Variants in ITGAM observed in about 807,000 individuals in gnomAD.
The protein encoded by ITGAM is integrin alpha-M.
In ITGAM, 79 loss-of-function variants were observed where a neutral mutation model predicts 137.5. The observed-to-expected ratio is 0.57, with a 90% confidence interval of 0.48 to 0.69. The LOEUF is 0.69. Among genes scored for constraint, ITGAM ranks in the 30% least tolerant of loss-of-function variants. ITGAM has a pLI of 0.00. For synonymous variants in ITGAM, 583 were observed against 592.3 expected (o/e 0.98, Z 0.23); for missense variants, 1,343 against 1,483.5 (o/e 0.91, Z 1.56).
intron 12 of ITGAM, among the ~76,000 whole-genome samples, chr16:31,291,043 A>G (rs2080081955): frequency 6.6e-6 from 1 of 152,196 alleles, no homozygotes; most frequent in Non-Finnish European, 1.5e-5. Context: ...GCTGAAAACT[A>G]CAAAACACTA....
At chr16:31,313,353 G>C (rs952114546) in intron 14 of ITGAM, among the ~76,000 whole-genome samples, 2 of 152,118 alleles carry the variant, frequency 1.3e-5, no homozygotes, top group African/African-American at 4.8e-5. Context: ...CATGCATTAG[G>C]TATTTGTCCT....
intron 14 of ITGAM, among the ~76,000 whole-genome samples, chr16:31,300,019 T>A (rs2080182076): frequency 6.6e-6 from 1 of 152,064 alleles, no homozygotes; most frequent in Non-Finnish European, 1.5e-5. Context: ...CCACCATGCC[T>A]GTCTAATTTA....
At position 31,326,862 on chromosome 16, in the gene ITGAM, T is replaced by C. The variant is rs774219893; in HGVS notation, c.2635T>C (p.Phe879Leu). 7.5e-6 allele frequency: 12 copies of C among 1,610,480 alleles called. No homozygotes were observed. The South Asian group carries it at 1.1e-4, about 15-fold the overall frequency. The change falls in exon 22 of 30, where the codon TTT (phenylalanine) becomes CTT (leucine). Residue 879 changes from phenylalanine to leucine, a missense_variant. Coordinates refer to ENST00000544665, the MANE Select transcript of ITGAM (RefSeq NM_000632.4). ...CTCCTTTCTCTCACTCCAGGTCACC[T>C]TTAATATCACGTTTGATGTAGACTC... ...PIFPENSEVT[F>L]NITFDVDSKA...
At chr16:31,304,604 A>G (rs190208052) in intron 14 of ITGAM, among the ~76,000 whole-genome samples, 56 of 152,296 alleles carry the variant, frequency 3.7e-4, no homozygotes, top group Non-Finnish European at 6.5e-4. Flanking sequence ...CTTAGATTTC[A>G]GTCTTTGATC....
In ITGAM at chr16:31,278,074, A is replaced by T. The variant is rs1440687722; in HGVS notation, c.1321A>T (p.Met441Leu). The T allele has an allele frequency of 1.2e-6, 2 of 1,608,852 alleles. No individual in the cohort carries two copies. Among genetic ancestry groups the T allele is most frequent in the Non-Finnish European group, 1.7e-6 (2 of 1,177,826 alleles). Reference protein sequence around the residue: ...LVAMFRQNTGMWESNANVKGT... With the variant: ...LVAMFRQNTGLWESNANVKGT... ...AGCGATGTTCAGGCAGAACACTGGC[A>T]TGTGGGAGTCCAACGCTAATGTCAA... Residue 441 changes from methionine (M) to leucine (L), a missense_variant, in exon 12 of 30, where the codon ATG becomes TTG. Physicochemically the swap from Met to Leu is conservative, Grantham distance 15 (BLOSUM62 2). Coordinates refer to ENST00000544665, the MANE Select transcript of ITGAM (RefSeq NM_000632.4).
chr16:31,308,342 A>G (rs2080286976), intron 14 of ITGAM, among the ~76,000 whole-genome samples: 1 of 152,162 alleles, frequency 6.6e-6, no homozygotes, highest in Non-Finnish European at 1.5e-5. Flanking sequence ...TTATTGGTCT[A>G]TTCAGAGATT....
At chr16:31,298,484 C>T (rs62051471) in intron 14 of ITGAM, among the ~76,000 whole-genome samples, 19,716 of 152,252 alleles carry the variant, frequency 0.13, 1,749 homozygotes, top group Admixed American at 0.23. Flanking sequence ...ATGATAGCCT[C>T]ATCACCCCCA....
Position 31,324,695 on chromosome 16 carries a change from C to T in ITGAM, c.2202C>T (p.Asn734=). ...TGAGCCCCATTGTGCTGCGCCTGAA[C>T]TTCTCTCTGGTGGGAACGCCATTGT... ...DPVSPIVLRL[N]FSLVGTPLSA... The change falls in exon 18 of 30, where the codon AAC becomes AAT. Residue 734 remains asparagine, a synonymous_variant. Transcript: ENST00000544665. This position sits in a 1 kb window ranked among gnomAD's most constrained non-coding sequence, Gnocchi z 4.5. 1 of 1,602,546 alleles carries T rather than the reference C, an allele frequency of 6.2e-7. No homozygotes were observed. The highest frequency in any genetic ancestry group is 8.5e-7 in the Non-Finnish European group (1 of 1,175,170).
chr16:31,278,515 C>G (rs1464684329), intron 12 of ITGAM, among the ~76,000 whole-genome samples: 1 of 152,172 alleles, frequency 6.6e-6, no homozygotes, highest in Non-Finnish European at 1.5e-5. Flanking sequence ...TGAGGTCAGG[C>G]AGGACACTTC....
intron 23 of ITGAM, among the ~76,000 whole-genome samples, 197 bp downstream of exon 23, chr16:31,328,427 C>A (rs565727288): frequency 6.8e-6 from 1 of 146,608 alleles, no homozygotes; most frequent in Non-Finnish European, 1.5e-5. Flanking sequence ...TGTGCATGGA[C>A]GTGTATTTGT....
chr16:31,278,196 A>G, intron 12 of ITGAM, 87 bp downstream of exon 12: 5 of 1,400,846 alleles, frequency 3.6e-6, no homozygotes, highest in South Asian at 1.4e-5. Flanking sequence ...GATGACATGC[A>G]TGGCCCTCTT....
chr16:31,272,510 G>A (rs2079863100), intron 7 of ITGAM, among the ~76,000 whole-genome samples: 1 of 84,214 alleles, frequency 1.2e-5, no homozygotes, highest in Non-Finnish European at 2.1e-5. Context: ...TTGAGACAGA[G>A]TCTCACTCTG....
chr16:31,329,761 G>T, intron 24 of ITGAM, 37 bp from the exon 25 acceptor site: 12 of 1,523,376 alleles, frequency 7.9e-6, no homozygotes, highest in Non-Finnish European at 1.1e-5. Flanking sequence ...GGTGGGGGAG[G>T]AAGGCCAGAG....
At position 31,275,781 on chromosome 16, in the gene ITGAM, C is replaced by A; in HGVS notation, c.1009+82C>A. 5.8e-6 allele frequency: 8 copies of A among 1,387,114 alleles called. No homozygotes were observed. The Admixed American group carries it at 8.2e-5, about 14-fold the overall frequency. 85.9% of individuals were successfully genotyped at this position (1,387,114 alleles called of 1,614,324 possible). A position where few individuals can be genotyped will look rare whatever the true frequency, so the allele number is the denominator to read the frequency against. On this transcript the variant is annotated intron_variant, in intron 9 of 29. Coordinates refer to ENST00000544665, the MANE Select transcript of ITGAM (RefSeq NM_000632.4). ...ACATAGTCCCCTCTAGAATCCAGACCTTCCTAACCCTTGGTATCCCCCAGC... is the reference window on the plus strand; with the variant it reads ...ACATAGTCCCCTCTAGAATCCAGACATTCCTAACCCTTGGTATCCCCCAGC...
At chr16:31,298,522 G>A (rs890123595) in intron 14 of ITGAM, among the ~76,000 whole-genome samples, 1 of 152,224 alleles carries the variant, frequency 6.6e-6, no homozygotes, top group Non-Finnish European at 1.5e-5. Context: ...TCAAGGCCCA[G>A]CGATGGCAAA....
intron 2 of ITGAM, among the ~76,000 whole-genome samples, chr16:31,262,233 C>T (rs1420860808): frequency 6.6e-6 from 1 of 151,660 alleles, no homozygotes. Flanking sequence ...GCCCTTCCCT[C>T]CCTTCCTCCC....
chr16:31,288,712 T>A (rs2080054768), intron 12 of ITGAM, among the ~76,000 whole-genome samples: 1 of 152,164 alleles, frequency 6.6e-6, no homozygotes, highest in Non-Finnish European at 1.5e-5. Flanking sequence ...GGACTTCATG[T>A]CTAAAACACC....
At chr16:31,266,194 G>C (rs371355810) in intron 5 of ITGAM, 47 bp downstream of exon 5, 1 of 1,354,306 alleles carries the variant, frequency 7.4e-7, no homozygotes, top group African/African-American at 1.4e-5. Context: ...AAAAGACCAG[G>C]GGAGGGGGCA....
At chr16:31,278,423 T>C (rs2079933482) in intron 12 of ITGAM, among the ~76,000 whole-genome samples, 2 of 152,148 alleles carry the variant, frequency 1.3e-5, no homozygotes, top group Non-Finnish European at 2.9e-5. Flanking sequence ...TCCGTATTCA[T>C]TGATAAATGG....
Sources: gnomAD v4.1 joint callset for allele counts (sites outside exome capture counted in the v4.1 genomes callset) on GRCh38, gnomAD v4.1.1 for gene constraint, Gnocchi (gnomAD v3.1) non-coding constraint, MANE v1.5 for transcripts, NCBI Gene and HGNC (gene_info 2026-07-23, HGNC 2026-07-21) for gene names.